ZC3H12B: variants seen among roughly 807,000 people sequenced by gnomAD.
The protein encoded by ZC3H12B is probable ribonuclease ZC3H12B.
In ZC3H12B, 7 loss-of-function variants were observed where a neutral mutation model predicts 43.9. The ratio of observed to expected loss-of-function variants is 0.16; its 90% confidence interval spans 0.09 to 0.30. The LOEUF (loss-of-function observed/expected upper bound fraction) is 0.30. Among genes scored for constraint, ZC3H12B ranks in the 10% least tolerant of loss-of-function variants. The pLI, the probability that ZC3H12B is intolerant of heterozygous loss-of-function variation, is 1.00. For synonymous variants in ZC3H12B, 222 were observed against 241.7 expected, an observed-to-expected ratio of 0.92 and a Z score of 0.76; for missense variants, 475 against 670.2, an observed-to-expected ratio of 0.71 and a Z score of 3.22.
At chrX:65,406,025 T>G (rs2066816918) in intron 3 of ZC3H12B, among the ~76,000 whole-genome samples, 1 of 111,605 alleles carries the variant, frequency 9.0e-6, no homozygotes. Context: ...AAAGAAAAGC[T>G]AGGGACCCAG....
At chrX:65,449,791 G>A (rs959991300) in intron 3 of ZC3H12B, among the ~76,000 whole-genome samples, 1 of 111,113 alleles carries the variant, frequency 9.0e-6, no homozygotes, top group East Asian at 2.8e-4. Context: ...TTATAAGTGG[G>A]AGCTAAGCTA....
chrX:65,098,406 CTGAT>C, the ZC3H12B span, among the ~76,000 whole-genome samples: 3 of 111,049 alleles, frequency 2.7e-5, no homozygotes, highest in Non-Finnish European at 5.7e-5. Context: ...GGGAGACTGA[CTGAT>C]AGGGGATAAA....
chrX:65,191,445 G>C, the ZC3H12B span, among the ~76,000 whole-genome samples: 1 of 100,239 alleles, frequency 1.0e-5, no homozygotes, highest in Non-Finnish European at 2.0e-5. Context: ...CTTTTTGGTT[G>C]GTAAACTATT....
At chrX:65,255,223 A>C in the ZC3H12B span, among the ~76,000 whole-genome samples, 2 of 111,248 alleles carry the variant, frequency 1.8e-5, no homozygotes, top group Non-Finnish European at 3.8e-5. Flanking sequence ...GAGGTACTAT[A>C]CAAGATGACT....
chrX:65,137,748 A>G, the ZC3H12B span, among the ~76,000 whole-genome samples: 13 of 113,069 alleles, frequency 1.1e-4, no homozygotes, highest in Admixed American at 1.1e-3. Context: ...AAAAAAATAT[A>G]TGAAATAATT....
chrX:65,213,694 A>T, the ZC3H12B span, among the ~76,000 whole-genome samples: 1 of 110,130 alleles, frequency 9.1e-6, no homozygotes, highest in African/African-American at 3.3e-5. Flanking sequence ...GAATTTCAGC[A>T]TGTTGTCATG....
At chrX:65,193,064 C>T in the ZC3H12B span, among the ~76,000 whole-genome samples, 1 of 110,313 alleles carries the variant, frequency 9.1e-6, no homozygotes, top group Admixed American at 9.7e-5. Context: ...GAGCCACCAC[C>T]CCTAGCCTTT....
the ZC3H12B span, among the ~76,000 whole-genome samples, chrX:65,109,999 G>A: frequency 4.5e-5 from 5 of 111,357 alleles, no homozygotes; most frequent in Non-Finnish European, 9.5e-5. Context: ...TAGCCCATCT[G>A]ACAGGTGTGC....
chrX:65,374,581 G>T (rs183584478), intron 2 of ZC3H12B, among the ~76,000 whole-genome samples: 2 of 109,915 alleles, frequency 1.8e-5, no homozygotes, highest in East Asian at 5.7e-4. Flanking sequence ...TTCATAAGAA[G>T]AAAAAATCAG....
chrX:65,316,488 G>T, the ZC3H12B span, among the ~76,000 whole-genome samples: 1 of 111,562 alleles, frequency 9.0e-6, no homozygotes, highest in African/African-American at 3.3e-5. Context: ...AAGAGATTGG[G>T]GCCTATATTA....
At chrX:65,344,159 C>A in the ZC3H12B span, among the ~76,000 whole-genome samples, 14 of 112,089 alleles carry the variant, frequency 1.2e-4, no homozygotes, top group African/African-American at 4.5e-4. Flanking sequence ...AACTGCAAAA[C>A]AATGCTCAAA....
At chrX:65,317,144 G>C in the ZC3H12B span, among the ~76,000 whole-genome samples, 2 of 110,588 alleles carry the variant, frequency 1.8e-5, no homozygotes, top group Non-Finnish European at 3.8e-5. Flanking sequence ...GATTTATATA[G>C]CAAGCTTTTA....
chrX:65,122,990 A>G, the ZC3H12B span, among the ~76,000 whole-genome samples: 1 of 111,949 alleles, frequency 8.9e-6, no homozygotes, highest in Non-Finnish European at 1.9e-5. Flanking sequence ...ACAGAAAGTT[A>G]ACAAGTCTTG....
the ZC3H12B span, among the ~76,000 whole-genome samples, chrX:65,179,268 G>A: frequency 9.2e-6 from 1 of 109,013 alleles, no homozygotes; most frequent in Non-Finnish European, 1.9e-5. Flanking sequence ...GGTGTTGGGG[G>A]TAAGGGGAGG....
chrX:65,485,435 T>A (rs1365111825), upstream of ZC3H12B, among the ~76,000 whole-genome samples: 1 of 112,089 alleles, frequency 8.9e-6, no homozygotes, highest in Non-Finnish European at 1.9e-5. Context: ...AGTATTTTTT[T>A]GTAGAGACAA....
the ZC3H12B span, among the ~76,000 whole-genome samples, chrX:65,146,700 G>A: frequency 9.0e-6 from 1 of 111,352 alleles, no homozygotes; most frequent in Non-Finnish European, 1.9e-5. Context: ...GTGGCTTCCT[G>A]GGAGCCAAGC....
At chrX:65,179,409 A>T in the ZC3H12B span, among the ~76,000 whole-genome samples, 1 of 109,987 alleles carries the variant, frequency 9.1e-6, no homozygotes, top group East Asian at 2.8e-4. Flanking sequence ...AGTTATTTAA[A>T]AAAAAAAAAG....
chrX:65,420,554 C>T (rs1354715881), intron 3 of ZC3H12B, among the ~76,000 whole-genome samples: 3 of 111,712 alleles, frequency 2.7e-5, no homozygotes, highest in East Asian at 2.8e-4. Flanking sequence ...ATAAGGATTA[C>T]GAACAGTAAG....
chrX:65,376,621 T>C (rs7066220), intron 2 of ZC3H12B, among the ~76,000 whole-genome samples: 13,891 of 111,367 alleles, frequency 0.12, 2,082 homozygotes, highest in African/African-American at 0.42. Flanking sequence ...AAAACAAGCG[T>C]TTCTGCCTTA....
Sources: gnomAD v4.1 joint callset for allele counts (sites outside exome capture counted in the v4.1 genomes callset) on GRCh38, gnomAD v4.1.1 for gene constraint, MANE v1.5 for transcripts, NCBI Gene and HGNC (gene_info 2026-07-23, HGNC 2026-07-21) for gene names.